NEK11: variants seen among roughly 807,000 people sequenced by gnomAD.
NEK11 encodes NIMA related kinase 11, also known as serine/threonine-protein kinase Nek11.
Under a neutral mutation model 80.7 loss-of-function variants are expected in NEK11, and 72 were observed. The ratio of observed to expected loss-of-function variants is 0.89; its 90% confidence interval spans 0.74 to 1.08. The LOEUF (loss-of-function observed/expected upper bound fraction) is 1.08, where lower values mean the gene tolerates loss of function less well. Ranked by LOEUF, NEK11 falls within the 50% of genes least tolerant of loss-of-function variation. NEK11 has a pLI of 0.00. For synonymous variants in NEK11, 251 were observed against 260.7 expected, an observed-to-expected ratio of 0.96 and a Z score of 0.36; for missense variants, 764 against 763.6, an observed-to-expected ratio of 1.00 and a Z score of -0.01.
intron 17 of NEK11, among the ~76,000 whole-genome samples, chr3:131,296,833 C>T (rs2096598968): frequency 1.3e-5 from 2 of 151,776 alleles, no homozygotes; most frequent in Admixed American, 1.3e-4. Context: ...CACAACAGTC[C>T]CCAGAGTGTG....
At chr3:131,281,600 G>C (rs1002972969) in intron 17 of NEK11, among the ~76,000 whole-genome samples, 1 of 152,078 alleles carries the variant, frequency 6.6e-6, no homozygotes, top group Non-Finnish European at 1.5e-5. Flanking sequence ...TTGTTTTATT[G>C]CCAATGTATC....
Position 131,272,463 on chromosome 3 carries a change from C to CTTTTTTTTTTTTTTTTTTTTTT in NEK11, c.1622-1006_1622-985dup, listed in dbSNP as rs869304359. Among the ~76,000 whole-genome samples, 21 of 43,898 alleles carry CTTTTTTTTTTTTTTTTTTTTTT rather than the reference C, an allele frequency of 4.8e-4. 3 individuals are homozygous for CTTTTTTTTTTTTTTTTTTTTTT. Among genetic ancestry groups the CTTTTTTTTTTTTTTTTTTTTTT allele is most frequent in the East Asian group, 2.8e-3 (3 of 1,068 alleles). 28.8% of individuals were successfully genotyped at this position (43,898 alleles called of 152,430 possible). On this transcript the variant is annotated intron_variant, in intron 16 of 17. Coordinates refer to ENST00000383366, the MANE Select transcript of NEK11 (RefSeq NM_024800.5). ...CTTGCTAATGGGCCAGTTTTAGCTT[C>CTTTTTTTTTTTTTTTTTTTTTT]TTTTTTTTTTTTTTTTTTTTTTTTT...
intron 5 of NEK11, among the ~76,000 whole-genome samples, chr3:131,130,904 C>A (rs1240971393): frequency 6.6e-6 from 1 of 152,152 alleles, no homozygotes; most frequent in Non-Finnish European, 1.5e-5. Flanking sequence ...CGGGTTCAAG[C>A]GATTCTCCTG....
At chr3:131,140,968 C>T (rs1009970533) in intron 7 of NEK11, among the ~76,000 whole-genome samples, 2 of 152,146 alleles carry the variant, frequency 1.3e-5, no homozygotes, top group African/African-American at 2.4e-5. Context: ...CTCATACCAG[C>T]TCATAAGACC....
At chr3:131,317,017 A>T (rs1327316999) in intron 17 of NEK11, among the ~76,000 whole-genome samples, 1 of 152,218 alleles carries the variant, frequency 6.6e-6, no homozygotes, top group Non-Finnish European at 1.5e-5. Context: ...GAAAGTTGAG[A>T]TGCTTGCAAG....
At chr3:131,184,383 G>C (rs2093507775) in intron 14 of NEK11, among the ~76,000 whole-genome samples, 1 of 152,106 alleles carries the variant, frequency 6.6e-6, no homozygotes, top group Non-Finnish European at 1.5e-5. Context: ...TGATTCGTAG[G>C]CACATTAAAG....
chr3:131,152,494 C>G lies in NEK11; in HGVS notation c.754C>G (p.Leu252Val), dbSNP rs1029831619. 1.9e-6 allele frequency: 3 copies of G among 1,613,364 alleles called. No homozygotes were observed. Among genetic ancestry groups the G allele is most frequent in the East Asian group, 4.5e-5 (2 of 44,858 alleles). The change falls in exon 8 of 18, where the codon CTC becomes GTC. Residue 252 changes from leucine (L) to valine (V), a missense_variant. By Grantham distance (32) the Leu-to-Val change is conservative. Coordinates refer to ENST00000383366, the MANE Select transcript of NEK11 (RefSeq NM_024800.5). ...LKIVEGDTPSLPERYPKELNA... is the reference protein window; with the variant it reads ...LKIVEGDTPSVPERYPKELNA... ...AATTGTTGAAGGTGACACACCTTCT[C>G]TCCCTGAGAGATATCCAAAAGAACT...
At chr3:131,144,253 T>C (rs537352894) in intron 7 of NEK11, among the ~76,000 whole-genome samples, 1 of 152,282 alleles carries the variant, frequency 6.6e-6, no homozygotes, top group South Asian at 2.1e-4. Context: ...TTCTTTTTCA[T>C]TGCTTGTATT....
intron 3 of NEK11, among the ~76,000 whole-genome samples, chr3:131,054,881 G>C (rs1394761721): frequency 2.0e-5 from 3 of 152,206 alleles, no homozygotes; most frequent in African/African-American, 7.2e-5. Flanking sequence ...ACCTTAGTTG[G>C]TGAAACCAAG....
chr3:131,181,184 A>G (rs1274142849), intron 14 of NEK11, among the ~76,000 whole-genome samples: 1 of 152,202 alleles, frequency 6.6e-6, no homozygotes, highest in African/African-American at 2.4e-5. Context: ...TCTCAGTGCC[A>G]CAAGGGTTCT....
At chr3:131,274,702 G>T (rs1054506675) in intron 17 of NEK11, among the ~76,000 whole-genome samples, 2 of 128,498 alleles carry the variant, frequency 1.6e-5, no homozygotes, top group African/African-American at 5.8e-5. Context: ...GCCGGACTGC[G>T]GACTGCAGTG....
intron 3 of NEK11, among the ~76,000 whole-genome samples, chr3:131,048,154 C>T (rs1324110797): frequency 6.6e-6 from 1 of 152,170 alleles, no homozygotes; most frequent in African/African-American, 2.4e-5. Context: ...GAGTTTATTT[C>T]CAGGCAGCGG....
At position 131,164,943 on chromosome 3, in the gene NEK11, C is replaced by T. The variant is rs149807063; in HGVS notation, c.1083-483C>T. Among the ~76,000 whole-genome samples the T allele has an allele frequency of 3.4e-3, 518 of 152,312 alleles. 2 individuals carry two copies. The highest frequency in any genetic ancestry group is 0.011 in the African/African-American group (476 of 41,568). ...CCAGTTTAGTAGCAGGTCGCTTAAA[C>T]TCACTCTCCTGTAATAGAGAAAACA... is the stretch of plus-strand genomic sequence containing the variant. On this transcript the variant is annotated intron_variant, in intron 11 of 17. Transcript: ENST00000383366.
rs376197082 is a variant in NEK11 at position 131,110,715 on chromosome 3, A to G, written c.455+794A>G. Among the ~76,000 whole-genome samples the G allele has an allele frequency of 3.9e-5, 6 of 152,220 alleles. No individual in the cohort carries two copies. In the East Asian group the frequency reaches 7.7e-4, roughly 20 times the overall value. Reference sequence around the variant, plus strand: ...CATGGTACCATTCTTCTTGAACGAAAGGGGGTAATTTATAAAGCACACCAA... The same window carrying G: ...CATGGTACCATTCTTCTTGAACGAAGGGGGGTAATTTATAAAGCACACCAA... On this transcript the variant is annotated intron_variant, in intron 5 of 17. Coordinates refer to ENST00000383366, the MANE Select transcript of NEK11 (RefSeq NM_024800.5).
chr3:131,115,908 TTCTTTCTTTC>T (rs1296156381), intron 5 of NEK11, among the ~76,000 whole-genome samples: 4 of 46,848 alleles, frequency 8.5e-5, no homozygotes, highest in African/African-American at 2.8e-4. Flanking sequence ...AGTGTTTTCT[TTCTTTCTTTC>T]TTTCTTTCTT....
chr3:131,313,148 A>C (rs1044932417), intron 17 of NEK11, among the ~76,000 whole-genome samples: 4 of 152,154 alleles, frequency 2.6e-5, no homozygotes, highest in South Asian at 4.1e-4. Flanking sequence ...GCTGCAAAGG[A>C]CATGATCTCA....
At chr3:131,185,488 T>A (rs980663781) in intron 14 of NEK11, among the ~76,000 whole-genome samples, 3 of 152,110 alleles carry the variant, frequency 2.0e-5, no homozygotes, top group African/African-American at 7.2e-5. Context: ...AGATTTCCCA[T>A]AGAGGAATCC....
At chr3:131,325,843 A>G (rs574837180) in intron 17 of NEK11, 27 of 152,334 alleles carry the variant, frequency 1.8e-4, no homozygotes, top group African/African-American at 6.0e-4. Context: ...TTTATTTAAA[A>G]TTTATACTGT....
At chr3:131,299,677 T>C (rs1561441325) in intron 17 of NEK11, among the ~76,000 whole-genome samples, 2 of 152,200 alleles carry the variant, frequency 1.3e-5, no homozygotes, top group East Asian at 3.8e-4. Context: ...GGCCTCCAGC[T>C]CCATCCATGT....
Sources: allele counts gnomAD v4.1 joint callset (sites outside exome capture counted in the v4.1 genomes callset), GRCh38; gene constraint gnomAD v4.1.1; transcripts MANE v1.5; gene names NCBI Gene and HGNC (gene_info 2026-07-23, HGNC 2026-07-21).